Variants in MED12L observed in about 807,000 individuals in gnomAD.
The protein encoded by MED12L is mediator of RNA polymerase II transcription subunit 12-like protein.
MED12L carries 60 observed loss-of-function variants against 281.3 expected under a neutral mutation model. The ratio of observed to expected loss-of-function variants is 0.21; its 90% CI spans 0.17 to 0.26. The LOEUF (loss-of-function observed/expected upper bound fraction) is 0.26, where lower values mean the gene tolerates loss of function less well. Among genes scored for constraint, MED12L ranks in the 10% least tolerant of loss-of-function variants. MED12L has a pLI of 1.00. For missense variants in MED12L, 2,146 were observed against 2,680.9 expected (o/e 0.80, Z 4.41); for synonymous variants, 974 against 987.2 (o/e 0.99, Z 0.25).
At chr3:151,381,662 C>G (rs141616899) in intron 32 of MED12L, among the ~76,000 whole-genome samples, 2 of 152,156 alleles carry the variant, frequency 1.3e-5, no homozygotes, top group Non-Finnish European at 2.9e-5. Context: ...AAAATAGGAC[C>G]ACAGCCATTC....
intron 38 of MED12L, among the ~76,000 whole-genome samples, chr3:151,391,127 A>AG (rs1714182314): frequency 6.6e-6 from 1 of 152,240 alleles, no homozygotes; most frequent in African/African-American, 2.4e-5. Flanking sequence ...AGGATATTGC[A>AG]GTGACTAAAG....
At chr3:151,156,095 A>G in intron 5 of MED12L, 66 bp from the exon 6 acceptor site, 1 of 1,345,972 alleles carries the variant, frequency 7.4e-7, no homozygotes, top group Non-Finnish European at 1.0e-6. Context: ...AGAATGGGGA[A>G]GAAAACATGT....
intron 16 of MED12L, among the ~76,000 whole-genome samples, chr3:151,274,122 C>T (rs1392238677): frequency 6.6e-6 from 1 of 152,182 alleles, no homozygotes; most frequent in Non-Finnish European, 1.5e-5. Flanking sequence ...TGAACCAACC[C>T]ATATTCAGAA....
At chr3:151,197,603 G>T (rs1724853199) in intron 16 of MED12L, among the ~76,000 whole-genome samples, 1 of 152,172 alleles carries the variant, frequency 6.6e-6, no homozygotes, top group South Asian at 2.1e-4. Flanking sequence ...TCTGACTGGT[G>T]CTGTTTTACC....
rs199514521 is a variant in MED12L at position 151,432,807 on chromosome 3, C to T, written c.*3C>T. 1.6e-5 allele frequency: 25 copies of T among 1,611,362 alleles called. 1 individual carries two copies. The South Asian group carries it at 1.8e-4, about 11-fold the overall frequency. ...ATGGGCATCCTTCACACTTCTGAAT[C>T]TGCAAGAGGAGAAGACATGACGTTT... is the stretch of plus-strand genomic sequence containing the variant. On this transcript the variant is annotated 3_prime_UTR_variant, in exon 45 of 45. Coordinates refer to ENST00000687756, the MANE Select transcript of MED12L (RefSeq NM_001393769.1).
At chr3:151,137,188 A>G (rs1313348557) in intron 5 of MED12L, among the ~76,000 whole-genome samples, 2 of 147,844 alleles carry the variant, frequency 1.4e-5, no homozygotes, top group Non-Finnish European at 3.0e-5. Flanking sequence ...AAAAAAAAAG[A>G]ACGAAAAAAA....
intron 16 of MED12L, among the ~76,000 whole-genome samples, chr3:151,284,739 G>A (rs528411052): frequency 6.6e-6 from 1 of 152,244 alleles, no homozygotes; most frequent in South Asian, 2.1e-4. Flanking sequence ...CTCCCAAGTG[G>A]TTGGGATTAC....
chr3:151,253,278 C>G (rs2149460429), intron 16 of MED12L, among the ~76,000 whole-genome samples: 1 of 152,284 alleles, frequency 6.6e-6, no homozygotes, highest in Non-Finnish European at 1.5e-5. Context: ...GGCACGTATA[C>G]TGCACTCAAG....
intron 16 of MED12L, chr3:151,199,183 T>C: frequency 6.2e-7 from 1 of 1,614,186 alleles, no homozygotes; most frequent in South Asian, 1.1e-5. Flanking sequence ...CAATTTTCAC[T>C]GGTAATGCCA....
intron 13 of MED12L, among the ~76,000 whole-genome samples, chr3:151,189,220 T>C (rs745737582): frequency 1.3e-5 from 2 of 152,158 alleles, no homozygotes; most frequent in African/African-American, 2.4e-5. Flanking sequence ...AACAGTACTC[T>C]TCTGAGTCCT....
intron 2 of MED12L, among the ~76,000 whole-genome samples, chr3:151,091,694 G>A (rs189092620): frequency 1.1e-4 from 16 of 152,318 alleles, no homozygotes; most frequent in Non-Finnish European, 1.6e-4. Context: ...CCCCTCCAGT[G>A]GCTTTTTCCA....
chr3:151,346,518 A>G (rs768833630), intron 16 of MED12L, among the ~76,000 whole-genome samples: 19 of 152,020 alleles, frequency 1.2e-4, no homozygotes, highest in Non-Finnish European at 2.4e-4. Context: ...TTCTCCTTTG[A>G]GGTTCACACA....
At chr3:151,088,729 T>C (rs1719609561) in intron 2 of MED12L, among the ~76,000 whole-genome samples, 1 of 152,212 alleles carries the variant, frequency 6.6e-6, no homozygotes, top group South Asian at 2.1e-4. Flanking sequence ...GACTACTTTC[T>C]ATAACTTCCT....
intron 16 of MED12L, among the ~76,000 whole-genome samples, chr3:151,218,444 A>ATT (rs1316096905): frequency 6.6e-6 from 1 of 152,234 alleles, no homozygotes; most frequent in Non-Finnish European, 1.5e-5. Context: ...TACTTCTGGT[A>ATT]TTATCACTGA....
In MED12L at chr3:151,295,070, A is replaced by T. The variant is rs747889185; in HGVS notation, c.2251-54989A>T. ...GAAGATCCACACTGCTAAACCATTC[A>T]GCAAGATGCTTGCCACAAATATAAT... On this transcript the variant is annotated intron_variant, in intron 16 of 44. Transcript: ENST00000687756. The T allele has an allele frequency of 3.1e-6, 5 of 1,613,970 alleles. No individual in the cohort carries two copies. In the South Asian group the frequency reaches 5.5e-5, roughly 18 times the overall value.
rs368322965 is a variant in MED12L at position 151,106,823 on chromosome 3, A to G, written c.100-9515A>G. Among the ~76,000 whole-genome samples, 38 of 152,342 alleles carry G rather than the reference A, an allele frequency of 2.5e-4. 1 individual carries two copies. In the South Asian group the frequency reaches 7.7e-3, roughly 31 times the overall value. On this transcript the variant is annotated intron_variant, in intron 2 of 44. Coordinates refer to ENST00000687756, the MANE Select transcript of MED12L (RefSeq NM_001393769.1). ...GAAGTCTACTATATCTGATATTAATACAGCTACTTCAACTCTTTTATGTTT... is the reference window on the plus strand; with the variant it reads ...GAAGTCTACTATATCTGATATTAATGCAGCTACTTCAACTCTTTTATGTTT...
At chr3:151,181,294 C>T (rs548909726) in intron 11 of MED12L, among the ~76,000 whole-genome samples, 2 of 151,976 alleles carry the variant, frequency 1.3e-5, no homozygotes, top group African/African-American at 4.8e-5. Context: ...TATTTTATCT[C>T]AAGCATGTTT....
Position 151,291,176 on chromosome 3 carries a change from G to GT in MED12L, c.2251-58876dup, listed in dbSNP as rs200744105. On this transcript the variant is annotated intron_variant, in intron 16 of 44. Coordinates refer to ENST00000687756, the MANE Select transcript of MED12L (RefSeq NM_001393769.1). ...TTTTTTTTTTTTTTTGTTTTTATTT[G>GT]TTTTTTTCTAGTATGTCACATTTCC... Among the ~76,000 whole-genome samples the GT allele has an allele frequency of 6.9e-4, 91 of 132,768 alleles. No individual in the cohort carries two copies. The East Asian group carries it at 0.017, about 25-fold the overall frequency. The allele number at this position is 132,768 out of a possible 152,430, so 87.1% of individuals were successfully genotyped here.
chr3:151,401,038 C>T lies in MED12L; in HGVS notation c.5820+6171C>T, dbSNP rs1715609237. ...TTATGCATGTTTTTATACTTCTAAT[C>T]TATACGTTTGCATCCATCAACATAA... is the stretch of plus-strand genomic sequence containing the variant. On this transcript the variant is annotated intron_variant, in intron 39 of 44. Coordinates refer to ENST00000687756, the MANE Select transcript of MED12L (RefSeq NM_001393769.1). Among the ~76,000 whole-genome samples the T allele has an allele frequency of 1.3e-5, 2 of 152,118 alleles. 1 individual carries two copies. Among genetic ancestry groups the T allele is most frequent in the South Asian group, 4.1e-4 (2 of 4,828 alleles).
Sources: allele counts gnomAD v4.1 joint callset (sites outside exome capture counted in the v4.1 genomes callset), GRCh38; gene constraint gnomAD v4.1.1; transcripts MANE v1.5; gene names NCBI Gene and HGNC (gene_info 2026-07-23, HGNC 2026-07-21).